Variants in TSHR observed in about 807,000 individuals in gnomAD.
TSHR encodes the protein thyroid stimulating hormone receptor.
A neutral mutation model predicts 64.1 loss-of-function variants in TSHR; 51 were observed. The observed-to-expected ratio is 0.80, with a 90% confidence interval of 0.64 to 1.01. TSHR has a LOEUF of 1.01. TSHR is among the 50% of genes least tolerant of loss of function. The pLI is 0.00. For synonymous variants in TSHR, 361 were observed against 361.9 expected, an observed-to-expected ratio of 1.00 and a Z score of 0.03; for missense variants, 877 against 942.8, an observed-to-expected ratio of 0.93 and a Z score of 0.91.
At chr14:80,982,241 C>T (rs543691014) in intron 1 of TSHR, 136 of 639,376 alleles carry the variant, frequency 2.1e-4, no homozygotes, top group Non-Finnish European at 3.3e-4. Flanking sequence ...GGCAAAGCCA[C>T]TGGAGATTTC....
intron 1 of TSHR, among the ~76,000 whole-genome samples, chr14:81,008,408 A>C (rs576730266): frequency 6.6e-6 from 1 of 152,070 alleles, no homozygotes; most frequent in Non-Finnish European, 1.5e-5. Context: ...TCCTGACTTC[A>C]TGATCTGCCC....
At chr14:80,980,224 C>A (rs72693075) in intron 1 of TSHR, among the ~76,000 whole-genome samples, 28,007 of 151,176 alleles carry the variant, frequency 0.19, 3,153 homozygotes, top group Admixed American at 0.28. Flanking sequence ...TGGGAACATT[C>A]TTTATTTCCA....
At chr14:81,118,654 G>A (rs548554527) in intron 8 of TSHR, among the ~76,000 whole-genome samples, 1,880 of 151,482 alleles carry the variant, frequency 0.012, 41 homozygotes, top group African/African-American at 0.042. Flanking sequence ...AATGACTTTC[G>A]TCACAGAATT....
intron 3 of TSHR, among the ~76,000 whole-genome samples, chr14:81,083,251 G>A (rs8019570): frequency 0.24 from 37,066 of 151,824 alleles, 6,668 homozygotes; most frequent in African/African-American, 0.52. Context: ...TGTTTCTTAG[G>A]GGAAGAAAAA....
At chr14:81,060,960 T>C (rs1011792664) in intron 1 of TSHR, among the ~76,000 whole-genome samples, 1 of 152,112 alleles carries the variant, frequency 6.6e-6, no homozygotes, top group Non-Finnish European at 1.5e-5. Flanking sequence ...AGGTGTTTCA[T>C]TATGTATGAT....
At chr14:81,061,185 C>G (rs1886210365) in intron 1 of TSHR, among the ~76,000 whole-genome samples, 1 of 152,106 alleles carries the variant, frequency 6.6e-6, no homozygotes, top group South Asian at 2.1e-4. Context: ...AACCATGCTA[C>G]TATTTTTAAT....
intron 1 of TSHR, among the ~76,000 whole-genome samples, chr14:81,022,951 T>C (rs1320813807): frequency 6.6e-6 from 1 of 152,196 alleles, no homozygotes; most frequent in Non-Finnish European, 1.5e-5. Context: ...GTGCTCCTTC[T>C]GCCATCTAAG....
At chr14:81,036,964 G>A (rs1884656238) in intron 1 of TSHR, among the ~76,000 whole-genome samples, 1 of 151,954 alleles carries the variant, frequency 6.6e-6, no homozygotes, top group Non-Finnish European at 1.5e-5. Flanking sequence ...CCAAAATGGT[G>A]AAACCCCATC....
intron 3 of TSHR, among the ~76,000 whole-genome samples, chr14:81,086,424 T>A (rs553258415): frequency 2.6e-5 from 4 of 152,338 alleles, no homozygotes; most frequent in African/African-American, 9.6e-5. Flanking sequence ...CAGAGAGTTT[T>A]TTCTAATTTT....
chr14:81,084,616 C>G (rs2139957343), intron 3 of TSHR, among the ~76,000 whole-genome samples: 1 of 152,330 alleles, frequency 6.6e-6, no homozygotes, highest in Middle Eastern at 3.4e-3. Context: ...CACCTTCAGG[C>G]AGTCACTCAG....
At position 81,118,547 on chromosome 14, in the gene TSHR, AC is replaced by A. The variant is rs796734255; in HGVS notation, c.692+10096del. On this transcript the variant is annotated intron_variant, in intron 8 of 9. Transcript: ENST00000298171. Reference sequence around the variant, plus strand: ...AAAGAGGATACAAACAAATGGAAGAACATTCCATGCTCATGGGTAGGAAGAA... The same window carrying A: ...AAAGAGGATACAAACAAATGGAAGAAATTCCATGCTCATGGGTAGGAAGAA... Among the ~76,000 whole-genome samples the A allele has an allele frequency of 9.2e-5, 14 of 151,438 alleles. No homozygotes were observed. The East Asian group carries it at 2.8e-3, about 30-fold the overall frequency.
At chr14:81,081,038 G>A (rs559405873) in intron 3 of TSHR, among the ~76,000 whole-genome samples, 6 of 152,234 alleles carry the variant, frequency 3.9e-5, no homozygotes, top group South Asian at 4.1e-4. Flanking sequence ...TAAGCCAGGC[G>A]CAGAGGCACG....
chr14:81,035,293 C>A (rs1451102302), intron 1 of TSHR, among the ~76,000 whole-genome samples: 1 of 152,168 alleles, frequency 6.6e-6, no homozygotes, highest in Non-Finnish European at 1.5e-5. Context: ...AGAAAATTCT[C>A]TCATACTGTC....
intron 3 of TSHR, among the ~76,000 whole-genome samples, chr14:81,081,720 G>A (rs961195332): frequency 6.6e-5 from 10 of 152,216 alleles, no homozygotes; most frequent in African/African-American, 2.4e-4. Flanking sequence ...GGATTGTATA[G>A]CACTTAAAAA....
At chr14:81,130,950 C>A (rs1891217498) in intron 8 of TSHR, among the ~76,000 whole-genome samples, 1 of 138,804 alleles carries the variant, frequency 7.2e-6, no homozygotes, top group Non-Finnish European at 1.5e-5. Flanking sequence ...GAGATTGCGC[C>A]ACTGCAGTCC....
chr14:81,070,590 C>T (rs1198580582), intron 3 of TSHR, among the ~76,000 whole-genome samples: 1 of 123,086 alleles, frequency 8.1e-6, no homozygotes, highest in Non-Finnish European at 1.6e-5. Context: ...TGTGCCACTA[C>T]ACTCCAGCCT....
chr14:81,042,186 C>T (rs1410518943), intron 1 of TSHR, among the ~76,000 whole-genome samples: 2 of 152,114 alleles, frequency 1.3e-5, no homozygotes, highest in African/African-American at 4.8e-5. Context: ...CTCTCATACA[C>T]TTTTGGTGGT....
intron 1 of TSHR, among the ~76,000 whole-genome samples, chr14:80,978,622 G>A (rs1373570701): frequency 1.3e-5 from 2 of 152,158 alleles, no homozygotes; most frequent in Admixed American, 6.5e-5. Context: ...GGGCTTCCCG[G>A]GAAGAGTAGA....
chr14:81,006,751 G>A (rs1440641880), intron 1 of TSHR, among the ~76,000 whole-genome samples: 2 of 152,136 alleles, frequency 1.3e-5, no homozygotes, highest in African/African-American at 4.8e-5. Flanking sequence ...CTGACCTCGT[G>A]ATCTCCCCGC....
Sources: allele counts gnomAD v4.1 joint callset (sites outside exome capture counted in the v4.1 genomes callset), GRCh38; gene constraint gnomAD v4.1.1; transcripts MANE v1.5; gene names NCBI Gene and HGNC (gene_info 2026-07-23, HGNC 2026-07-21).